The following DENND1A variants were observed in gnomAD, a reference collection of about 807,000 sequenced individuals.
DENND1A encodes the protein DENN domain-containing protein 1A.
In DENND1A, 51 loss-of-function variants were observed where a neutral mutation model predicts 113.7. The observed-to-expected ratio is 0.45, with a 90% CI of 0.36 to 0.57. DENND1A has a LOEUF of 0.57. Among genes scored for constraint, DENND1A ranks in the 20% least tolerant of loss-of-function variants. The pLI, the probability that DENND1A is intolerant of heterozygous loss-of-function variation, is 0.00. For missense variants in DENND1A, 1,258 were observed against 1,395.9 expected (o/e 0.90, Z 1.57); for synonymous variants, 565 against 570.8 (o/e 0.99, Z 0.14).
At chr9:123,591,692 G>A (rs762728301) in intron 11 of DENND1A, among the ~76,000 whole-genome samples, 21 of 152,332 alleles carry the variant, frequency 1.4e-4, no homozygotes, top group Middle Eastern at 6.8e-3. Context: ...CTCATTAACT[G>A]GGGAATGAGA....
chr9:123,457,699 C>T, intron 14 of DENND1A, 94 bp downstream of exon 14: 3 of 1,226,862 alleles, frequency 2.4e-6, no homozygotes, highest in Middle Eastern at 2.6e-4. Flanking sequence ...GCCTGAGTCC[C>T]ATCCATGCCT....
intron 6 of DENND1A, among the ~76,000 whole-genome samples, chr9:123,676,378 A>G (rs1323245579): frequency 6.6e-6 from 1 of 152,206 alleles, no homozygotes. Flanking sequence ...GCCTCAGCAA[A>G]ATTATAATTT....
intron 11 of DENND1A, among the ~76,000 whole-genome samples, chr9:123,608,990 G>C (rs2060290683): frequency 6.6e-6 from 1 of 152,166 alleles, no homozygotes; most frequent in African/African-American, 2.4e-5. Flanking sequence ...AGGGAGATTA[G>C]TAAAATGCTA....
At chr9:123,914,528 G>C (rs1488380514) in intron 1 of DENND1A, among the ~76,000 whole-genome samples, 1 of 131,276 alleles carries the variant, frequency 7.6e-6, no homozygotes, top group Non-Finnish European at 1.5e-5. Context: ...CTGGGCAACA[G>C]AGCAAGACTC....
intron 6 of DENND1A, among the ~76,000 whole-genome samples, chr9:123,672,876 G>T (rs2063834091): frequency 6.6e-6 from 1 of 152,180 alleles, no homozygotes; most frequent in African/African-American, 2.4e-5. Flanking sequence ...TAATAATCTG[G>T]AAATTAACAC....
intron 15 of DENND1A, among the ~76,000 whole-genome samples, chr9:123,455,152 A>G (rs2048021587): frequency 6.6e-6 from 1 of 152,138 alleles, no homozygotes. Context: ...GGACTTGGAG[A>G]ACCCGGTGGA....
chr9:123,840,640 GC>G (rs1230657698), intron 2 of DENND1A, among the ~76,000 whole-genome samples: 5 of 152,116 alleles, frequency 3.3e-5, no homozygotes, highest in African/African-American at 9.7e-5. Context: ...CTAGCACAGT[GC>G]CGGTACAAAA....
At chr9:123,804,720 C>G (rs1273332083) in intron 2 of DENND1A, among the ~76,000 whole-genome samples, 1 of 152,204 alleles carries the variant, frequency 6.6e-6, no homozygotes, top group African/African-American at 2.4e-5. Flanking sequence ...ATCAGCCACT[C>G]CTGCCAACTA....
At chr9:123,878,668 T>C (rs1050475283) in intron 2 of DENND1A, among the ~76,000 whole-genome samples, 1 of 152,190 alleles carries the variant, frequency 6.6e-6, no homozygotes, top group African/African-American at 2.4e-5. Flanking sequence ...CACTAAATAG[T>C]TGACTTCCAG....
chr9:123,740,899 T>TGA (rs56006420), intron 5 of DENND1A, among the ~76,000 whole-genome samples: 31,005 of 108,224 alleles, frequency 0.29, 5,691 homozygotes, highest in East Asian at 0.51. Context: ...GAAGGGAAAG[T>TGA]GAGAGAGAGA....
intron 2 of DENND1A, among the ~76,000 whole-genome samples, chr9:123,848,175 C>A (rs1167063775): frequency 2.4e-5 from 3 of 124,440 alleles, no homozygotes; most frequent in Non-Finnish European, 4.7e-5. Flanking sequence ...TTCTCAGAAA[C>A]TGTTGATTTG....
chr9:123,452,695 C>T (rs2047822411), intron 16 of DENND1A, among the ~76,000 whole-genome samples: 1 of 151,996 alleles, frequency 6.6e-6, no homozygotes, highest in Non-Finnish European at 1.5e-5. Flanking sequence ...TGTGGCTTTT[C>T]AAGATATTCT....
intron 1 of DENND1A, among the ~76,000 whole-genome samples, chr9:123,881,820 C>A (rs1050717241): frequency 1.3e-5 from 2 of 152,272 alleles, no homozygotes; most frequent in East Asian, 3.9e-4. Context: ...TCTGAACCCA[C>A]GACACCACTG....
At chr9:123,603,124 A>G in intron 11 of DENND1A, among the ~76,000 whole-genome samples, 1 of 152,210 alleles carries the variant, frequency 6.6e-6, no homozygotes, top group East Asian at 1.9e-4. Context: ...TAAACAAGAA[A>G]CACTCTTCTT....
intron 13 of DENND1A, among the ~76,000 whole-genome samples, chr9:123,544,785 A>G (rs1019301550): frequency 6.6e-6 from 1 of 152,172 alleles, no homozygotes; most frequent in East Asian, 1.9e-4. Flanking sequence ...ATAGCTTCCA[A>G]ACAACTAAGG....
chr9:123,798,343 T>A (rs955123513), intron 2 of DENND1A: 2 of 152,200 alleles, frequency 1.3e-5, no homozygotes, highest in African/African-American at 4.8e-5. Flanking sequence ...CATATCCTGC[T>A]CCGATGTGAC....
chr9:123,649,997 C>A (rs1353177330), intron 9 of DENND1A, among the ~76,000 whole-genome samples: 1 of 152,172 alleles, frequency 6.6e-6, no homozygotes, highest in Non-Finnish European at 1.5e-5. Context: ...TCAAAAACAT[C>A]ATGATTAAAT....
intron 5 of DENND1A, among the ~76,000 whole-genome samples, chr9:123,677,938 C>G (rs1443833600): frequency 6.6e-6 from 1 of 152,160 alleles, no homozygotes; most frequent in African/African-American, 2.4e-5. Context: ...CACTCCGGAA[C>G]GTCCTGGTAT....
intron 18 of DENND1A, among the ~76,000 whole-genome samples, chr9:123,441,231 A>G (rs887083651): frequency 2.0e-5 from 3 of 152,236 alleles, no homozygotes; most frequent in Admixed American, 6.5e-5. Context: ...ATCATTTTAA[A>G]AATGTATCGC....
Sources: allele counts gnomAD v4.1 joint callset (sites outside exome capture counted in the v4.1 genomes callset), GRCh38; gene constraint gnomAD v4.1.1; transcripts MANE v1.5; gene names NCBI Gene and HGNC (gene_info 2026-07-23, HGNC 2026-07-21).